Variants in NTM observed in about 807,000 individuals in gnomAD.
The protein encoded by NTM is neurotrimin, also known as IgLON family member 2.
A neutral mutation model predicts 42.1 loss-of-function variants in NTM; 13 were observed. The ratio of observed to expected loss-of-function variants is 0.31; its 90% CI spans 0.20 to 0.49. NTM has a LOEUF of 0.49. Among genes scored for constraint, NTM ranks in the 20% least tolerant of loss-of-function variants. The pLI is 0.99. For synonymous variants in NTM, 187 were observed against 179.2 expected (o/e 1.04, Z -0.35); for missense variants, 373 against 452.8 (o/e 0.82, Z 1.60).
At chr11:131,616,772 TGAG>T (rs1396600146) in intron 1 of NTM, among the ~76,000 whole-genome samples, 2 of 119,008 alleles carry the variant, frequency 1.7e-5, no homozygotes, top group Admixed American at 9.8e-5. Flanking sequence ...CACACTGTCT[TGAG>T]GGGGTGTGTG....
chr11:131,513,112 C>T (rs530503956), intron 1 of NTM, among the ~76,000 whole-genome samples: 6 of 152,222 alleles, frequency 3.9e-5, no homozygotes, highest in Non-Finnish European at 8.8e-5. Context: ...CATGGCTCCC[C>T]GTCCCTGAGC....
chr11:131,454,449 C>T (rs970971365), intron 1 of NTM, among the ~76,000 whole-genome samples: 19 of 152,172 alleles, frequency 1.2e-4, no homozygotes, highest in Admixed American at 1.3e-4. Context: ...TGAAAGGCCA[C>T]GTGTGGCAAT....
intron 4 of NTM, among the ~76,000 whole-genome samples, chr11:132,219,782 C>A (rs1367989082): frequency 6.6e-6 from 1 of 152,118 alleles, no homozygotes; most frequent in Non-Finnish European, 1.5e-5. Context: ...AGTATGTGTC[C>A]AATAATGTTA....
At chr11:132,007,061 C>T (rs1219981513) in intron 2 of NTM, among the ~76,000 whole-genome samples, 1 of 152,178 alleles carries the variant, frequency 6.6e-6, no homozygotes, top group Non-Finnish European at 1.5e-5. Context: ...GTGACTGCCC[C>T]ACTGGGGGTT....
intron 1 of NTM, among the ~76,000 whole-genome samples, chr11:131,380,212 C>G (rs1438278604): frequency 1.6e-5 from 2 of 124,658 alleles, no homozygotes; most frequent in Admixed American, 8.0e-5. Context: ...TCCTTTGAGT[C>G]TTTTTTTTTT....
At chr11:131,419,121 A>G (rs1947250194) in intron 1 of NTM, among the ~76,000 whole-genome samples, 1 of 151,902 alleles carries the variant, frequency 6.6e-6, no homozygotes, top group Non-Finnish European at 1.5e-5. Flanking sequence ...TCAGCCTACC[A>G]TGAACTGAGT....
chr11:132,206,145 T>C (rs1046000692), intron 3 of NTM, among the ~76,000 whole-genome samples: 1 of 152,248 alleles, frequency 6.6e-6, no homozygotes, highest in Non-Finnish European at 1.5e-5. Flanking sequence ...TTTCTGTGAC[T>C]CCAGTTTCTG....
intron 1 of NTM, among the ~76,000 whole-genome samples, chr11:131,501,671 A>G: frequency 6.6e-6 from 1 of 152,204 alleles, no homozygotes; most frequent in South Asian, 2.1e-4. Flanking sequence ...TGTTGCAGTG[A>G]AAGCAATGCA....
At chr11:131,836,914 TAACA>T (rs961404196) in intron 1 of NTM, among the ~76,000 whole-genome samples, 35 of 152,136 alleles carry the variant, frequency 2.3e-4, no homozygotes, top group African/African-American at 6.8e-4. Context: ...TGGTGATGTG[TAACA>T]AATCCATTGT....
intron 2 of NTM, among the ~76,000 whole-genome samples, chr11:131,964,274 G>A (rs2062566157): frequency 6.6e-6 from 1 of 152,168 alleles, no homozygotes; most frequent in Non-Finnish European, 1.5e-5. Context: ...TGGGTCATTT[G>A]TTGTAAGGCA....
intron 1 of NTM, among the ~76,000 whole-genome samples, chr11:131,393,646 C>T (rs1379876388): frequency 6.6e-6 from 1 of 152,208 alleles, no homozygotes; most frequent in East Asian, 1.9e-4. Flanking sequence ...GCCTGTACTT[C>T]TTCCCAACAG....
chr11:132,315,655 AT>A (rs1388011126), intron 7 of NTM, among the ~76,000 whole-genome samples: 1 of 152,194 alleles, frequency 6.6e-6, no homozygotes, highest in African/African-American at 2.4e-5. Flanking sequence ...GGATAATCCC[AT>A]GGCCCAGCCA....
At chr11:131,376,667 A>ATT (rs33999798) in intron 1 of NTM, among the ~76,000 whole-genome samples, 10 of 145,194 alleles carry the variant, frequency 6.9e-5, no homozygotes, top group African/African-American at 2.5e-4. Flanking sequence ...ACTAAATTTG[A>ATT]TTTTTTTTTT....
At chr11:131,674,083 A>G (rs1345221189) in intron 1 of NTM, among the ~76,000 whole-genome samples, 2 of 152,220 alleles carry the variant, frequency 1.3e-5, no homozygotes, top group African/African-American at 2.4e-5. Flanking sequence ...AAACATACAC[A>G]CACAGCGTAG....
At chr11:131,914,529 C>T in intron 2 of NTM, among the ~76,000 whole-genome samples, 1 of 152,158 alleles carries the variant, frequency 6.6e-6, no homozygotes, top group Non-Finnish European at 1.5e-5. Flanking sequence ...TCACCAACAT[C>T]ATATTTTGAG....
intron 1 of NTM, among the ~76,000 whole-genome samples, chr11:131,887,721 A>G (rs769099499): frequency 2.0e-5 from 3 of 152,182 alleles, no homozygotes; most frequent in African/African-American, 4.8e-5. Flanking sequence ...ATACACATCT[A>G]TCTTCCCCAT....
At chr11:132,070,431 A>G (rs1219907839) in intron 2 of NTM, among the ~76,000 whole-genome samples, 4 of 140,194 alleles carry the variant, frequency 2.9e-5, no homozygotes, top group African/African-American at 1.1e-4. Flanking sequence ...GTCACAGGTT[A>G]GTTAACACGT....
chr11:131,855,226 T>C (rs571256276), intron 1 of NTM, among the ~76,000 whole-genome samples: 3 of 152,316 alleles, frequency 2.0e-5, no homozygotes, highest in South Asian at 4.1e-4. Flanking sequence ...AACTTGCTAC[T>C]CCAAGACGTG....
At chr11:132,134,096 T>A (rs2067298533) in intron 2 of NTM, among the ~76,000 whole-genome samples, 3 of 152,190 alleles carry the variant, frequency 2.0e-5, no homozygotes, top group African/African-American at 7.2e-5. Flanking sequence ...GCCATTTTTT[T>A]TCTTTTTTTG....
Sources: allele counts gnomAD v4.1 joint callset (sites outside exome capture counted in the v4.1 genomes callset), GRCh38; gene constraint gnomAD v4.1.1; transcripts MANE v1.5; gene names NCBI Gene and HGNC (gene_info 2026-07-23, HGNC 2026-07-21).